SH3PXD2B: variants seen among roughly 807,000 people sequenced by gnomAD.
SH3PXD2B encodes SH3 and PX domain-containing protein 2B.
Under a neutral mutation model 73.1 loss-of-function variants are expected in SH3PXD2B, and 37 were observed. The ratio of observed to expected loss-of-function variants is 0.51; its 90% confidence interval spans 0.39 to 0.67. The LOEUF (loss-of-function observed/expected upper bound fraction) is 0.67, where lower values mean the gene tolerates loss of function less well. Among genes scored for constraint, SH3PXD2B ranks in the 30% least tolerant of loss-of-function variants. The probability of loss-of-function intolerance (pLI) is 0.00; values close to 1 mark genes in which losing one functional copy is unlikely to be tolerated. For synonymous variants in SH3PXD2B, 457 were observed against 480.5 expected, an observed-to-expected ratio of 0.95 and a Z score of 0.64; for missense variants, 1,053 against 1,197.8, an observed-to-expected ratio of 0.88 and a Z score of 1.78.
intron 2 of SH3PXD2B, among the ~76,000 whole-genome samples, chr5:172,410,289 C>T (rs1336190172): frequency 1.3e-5 from 2 of 152,208 alleles, no homozygotes; most frequent in Non-Finnish European, 2.9e-5. Context: ...CTTTTCTCTA[C>T]ATCCTTGCCA....
At chr5:172,453,759 C>G (rs1441640754) in intron 1 of SH3PXD2B, among the ~76,000 whole-genome samples, 5 of 152,126 alleles carry the variant, frequency 3.3e-5, no homozygotes, top group Non-Finnish European at 7.4e-5. Context: ...TGATCCATTC[C>G]CAGAGATCTC....
intron 12 of SH3PXD2B, among the ~76,000 whole-genome samples, chr5:172,325,914 A>C (rs1756439404): frequency 1.3e-5 from 2 of 152,156 alleles, no homozygotes; most frequent in African/African-American, 4.8e-5. Context: ...CAGCCTCCCT[A>C]GTAGCTGGGA....
chr5:172,365,412 G>A (rs1027208784), intron 6 of SH3PXD2B, among the ~76,000 whole-genome samples: 9 of 152,222 alleles, frequency 5.9e-5, no homozygotes, highest in Admixed American at 4.6e-4. Context: ...CTTGACTCCA[G>A]GCTCTTCTGG....
chr5:172,453,857 C>T (rs1377094106), intron 1 of SH3PXD2B, among the ~76,000 whole-genome samples: 4 of 152,298 alleles, frequency 2.6e-5, no homozygotes, highest in South Asian at 2.1e-4. Flanking sequence ...GACTGCGGGT[C>T]TGCGCGCCTC....
intron 2 of SH3PXD2B, among the ~76,000 whole-genome samples, chr5:172,417,561 C>G (rs1238132377): frequency 6.6e-6 from 1 of 152,196 alleles, no homozygotes; most frequent in East Asian, 1.9e-4. Flanking sequence ...TAAAAGAGTT[C>G]TGATGAAAAC....
rs1757589347 is a variant in SH3PXD2B at position 172,368,500 on chromosome 5, A to ATATATATATAAAATATATATATAT, written c.427+5289_427+5290insATATATATATATTTTATATATATA. 1.6e-4 allele frequency among the ~76,000 whole-genome samples: 3 copies of ATATATATATAAAATATATATATAT among 19,146 alleles called. 1 individual carries two copies. Among genetic ancestry groups the ATATATATATAAAATATATATATAT allele is most frequent in the African/African-American group, 3.0e-4 (1 of 3,362 alleles). The allele number at this position is 19,146 out of a possible 152,430, so 12.6% of individuals were successfully genotyped here. A position where few individuals can be genotyped will look rare whatever the true frequency, so the allele number is the denominator to read the frequency against. ...TATATATAAAATATATATATATTAT[A>ATATATATATAAAATATATATATAT]TATATATATATAAAATATATATATA... On this transcript the variant is annotated intron_variant, in intron 6 of 12. Transcript: ENST00000311601.
chr5:172,347,331 T>C lies in SH3PXD2B; in HGVS notation c.1014A>G (p.Arg338=), dbSNP rs767414930. ...GGGGTCTCTGCCTCATCTTTGGTGA[T>C]CCTATGGAGAAATGAGAGCTTATTA... ...RPVPDGDAKQ[R]SPKMRQRPPP... The change falls in exon 11 of 13, where the codon AGA becomes AGG. Residue 338 remains arginine, a splice_region_variant and synonymous_variant. Transcript: ENST00000311601. 6.2e-7 allele frequency: 1 copy of C among 1,614,028 alleles called. No homozygotes were observed.
At chr5:172,420,171 G>T (rs1049487353) in intron 2 of SH3PXD2B, among the ~76,000 whole-genome samples, 1 of 152,150 alleles carries the variant, frequency 6.6e-6, no homozygotes, top group Non-Finnish European at 1.5e-5. Context: ...ACTTTAGATG[G>T]TATCTTAGCA....
At chr5:172,386,348 C>T (rs544059980) in intron 4 of SH3PXD2B, among the ~76,000 whole-genome samples, 12 of 152,198 alleles carry the variant, frequency 7.9e-5, no homozygotes, top group African/African-American at 2.4e-4. Flanking sequence ...TTTCCAAAGG[C>T]GATTTCAGAG....
At chr5:172,411,253 G>A (rs758587863) in intron 2 of SH3PXD2B, among the ~76,000 whole-genome samples, 16 of 151,620 alleles carry the variant, frequency 1.1e-4, no homozygotes, top group Non-Finnish European at 1.2e-4. Context: ...ACCCTAACAT[G>A]ACTATTTCCA....
At chr5:172,443,280 A>T (rs543385395) in intron 1 of SH3PXD2B, among the ~76,000 whole-genome samples, 39 of 152,346 alleles carry the variant, frequency 2.6e-4, no homozygotes, top group African/African-American at 9.4e-4. Context: ...CACATGTATT[A>T]CTACTATCAC....
Position 172,333,540 on chromosome 5 carries a change from T to TTA in SH3PXD2B, c.*4828_*4829insTA, listed in dbSNP as rs1561886428. On this transcript the variant is annotated 3_prime_UTR_variant, in exon 13 of 13. Transcript: ENST00000311601. ...AAACCAGTCAAGCACTTTTTTTATT[T>TTA]AAAAAAAAAAAAAGGAAAGAAGTCA... 9.7e-7 allele frequency: 1 copy of TTA among 1,035,754 alleles called. No homozygotes were observed. Among genetic ancestry groups the TTA allele is most frequent in the Non-Finnish European group, 1.2e-6 (1 of 827,102 alleles). The allele number at this position is 1,035,754 out of a possible 1,614,324, so 64.2% of individuals were successfully genotyped here. A position where few individuals can be genotyped will look rare whatever the true frequency, so the allele number is the denominator to read the frequency against.
At chr5:172,351,253 C>T (rs186624741) in intron 9 of SH3PXD2B, among the ~76,000 whole-genome samples, 4 of 152,292 alleles carry the variant, frequency 2.6e-5, no homozygotes, top group Admixed American at 1.3e-4. Flanking sequence ...ACTCAGTCTC[C>T]TACGTAGCTG....
Position 172,432,876 on chromosome 5 carries a change from A to C in SH3PXD2B, c.76-10380T>G, listed in dbSNP as rs1279330181. 1.6e-4 allele frequency among the ~76,000 whole-genome samples: 19 copies of C among 122,538 alleles called. No individual in the cohort carries two copies. In the Admixed American group the frequency reaches 1.7e-3, roughly 11 times the overall value. 80.4% of individuals were successfully genotyped at this position (122,538 alleles called of 152,430 possible). A position where few individuals can be genotyped will look rare whatever the true frequency, so the allele number is the denominator to read the frequency against. ...GTAGTGAGCTGAGGTTGTGCTTTGC[A>C]CTCCAGCCTGGTCAACAAGAGTGAA... On this transcript the variant is annotated intron_variant, in intron 1 of 12. Coordinates refer to ENST00000311601, the MANE Select transcript of SH3PXD2B (RefSeq NM_001017995.3).
intron 6 of SH3PXD2B, among the ~76,000 whole-genome samples, chr5:172,363,971 A>G (rs1050100322): frequency 3.3e-5 from 5 of 152,222 alleles, no homozygotes; most frequent in Admixed American, 3.3e-4. Context: ...GAAGATGTCA[A>G]GGAAGAGGCG....
At chr5:172,354,444 G>A (rs970742047) in intron 8 of SH3PXD2B, among the ~76,000 whole-genome samples, 12 of 152,204 alleles carry the variant, frequency 7.9e-5, no homozygotes, top group African/African-American at 2.9e-4. Context: ...CTCCAGGAAG[G>A]CAGTTCTTTG....
chr5:172,419,838 A>G (rs1378328229), intron 2 of SH3PXD2B, among the ~76,000 whole-genome samples: 3 of 152,164 alleles, frequency 2.0e-5, no homozygotes, highest in Non-Finnish European at 2.9e-5. Flanking sequence ...TCAGGCAGGC[A>G]AGAGGCCTCT....
chr5:172,367,128 G>T (rs1757548013), intron 6 of SH3PXD2B, among the ~76,000 whole-genome samples: 1 of 150,404 alleles, frequency 6.6e-6, no homozygotes, highest in African/African-American at 2.4e-5. Flanking sequence ...GTAGAGATGG[G>T]GTCTCACCCA....
chr5:172,386,560 T>A (rs1271027898), intron 4 of SH3PXD2B, among the ~76,000 whole-genome samples: 1 of 148,054 alleles, frequency 6.8e-6, no homozygotes, highest in Non-Finnish European at 1.5e-5. Flanking sequence ...TTAAAAACGT[T>A]TTCTGTTGTT....
Sources: gnomAD v4.1 joint callset for allele counts (sites outside exome capture counted in the v4.1 genomes callset) on GRCh38, gnomAD v4.1.1 for gene constraint, MANE v1.5 for transcripts, NCBI Gene and HGNC (gene_info 2026-07-23, HGNC 2026-07-21) for gene names.